Variants in NOL10 observed in about 807,000 individuals in gnomAD.
NOL10 encodes H_NH0074G24.1.
NOL10 carries 58 observed loss-of-function variants against 103.5 expected under a neutral mutation model. That is an observed-to-expected ratio of 0.56 (90% CI 0.45 to 0.70). The LOEUF (loss-of-function observed/expected upper bound fraction) is 0.70. Among genes scored for constraint, NOL10 ranks in the 30% least tolerant of loss-of-function variants. The pLI, the probability that NOL10 is intolerant of heterozygous loss-of-function variation, is 0.00. For synonymous variants in NOL10, 287 were observed against 282.5 expected, an observed-to-expected ratio of 1.02 and a Z score of -0.16; for missense variants, 763 against 807.3, an observed-to-expected ratio of 0.95 and a Z score of 0.67.
In NOL10 at chr2:10,689,093, T is replaced by C. The variant is rs567740532; in HGVS notation, c.66+703A>G. Among the ~76,000 whole-genome samples, 58 of 152,346 alleles carry C rather than the reference T, an allele frequency of 3.8e-4. No individual in the cohort carries two copies. The South Asian group carries it at 0.012, about 31-fold the overall frequency. ...TCAGTGGTAGTGCTTGGACAGAGGCTGGATCATCACGTATAAGAAACAAAA... is the reference window on the plus strand; with the variant it reads ...TCAGTGGTAGTGCTTGGACAGAGGCCGGATCATCACGTATAAGAAACAAAA... On this transcript the variant is annotated intron_variant, in intron 1 of 20. Transcript: ENST00000381685.
intron 17 of NOL10, among the ~76,000 whole-genome samples, chr2:10,590,200 G>T: frequency 6.6e-6 from 1 of 152,114 alleles, no homozygotes; most frequent in Non-Finnish European, 1.5e-5. Context: ...CCAACCTCCT[G>T]GGCTCAAGTG....
intron 12 of NOL10, among the ~76,000 whole-genome samples, chr2:10,645,199 G>C (rs1678969790): frequency 6.6e-6 from 1 of 152,152 alleles, no homozygotes; most frequent in African/African-American, 2.4e-5. Context: ...AGTCGTGAGA[G>C]AATGTTAAAG....
intron 3 of NOL10, among the ~76,000 whole-genome samples, chr2:10,677,560 G>A (rs1434699866): frequency 1.3e-5 from 2 of 148,342 alleles, no homozygotes; most frequent in Admixed American, 6.8e-5. Context: ...AACCTCAACC[G>A]CCCTGGGCTC....
chr2:10,688,229 T>C (rs1198102837), intron 1 of NOL10, among the ~76,000 whole-genome samples: 1 of 152,150 alleles, frequency 6.6e-6, no homozygotes, highest in African/African-American at 2.4e-5. Flanking sequence ...ACTACCTAAT[T>C]CATCCCGACT....
chr2:10,634,687 C>G (rs542106923), intron 13 of NOL10: 4 of 440,816 alleles, frequency 9.1e-6, no homozygotes, highest in Non-Finnish European at 1.8e-5. Context: ...TAAGTCCTAG[C>G]GCTCACTAAC....
At chr2:10,601,149 C>T (rs1446204026) in intron 16 of NOL10, among the ~76,000 whole-genome samples, 7 of 151,900 alleles carry the variant, frequency 4.6e-5, no homozygotes, top group East Asian at 1.9e-4. Context: ...CTGCAACCTC[C>T]GCCTCCCGGG....
At chr2:10,634,712 G>C (rs938798848) in intron 13 of NOL10, among the ~76,000 whole-genome samples, 22 of 152,308 alleles carry the variant, frequency 1.4e-4, no homozygotes, top group African/African-American at 5.3e-4. Context: ...AGAGGTCAGG[G>C]GAGAGAGGCA....
At chr2:10,597,411 G>A (rs1472416024) in intron 17 of NOL10, among the ~76,000 whole-genome samples, 1 of 152,218 alleles carries the variant, frequency 6.6e-6, no homozygotes, top group African/African-American at 2.4e-5. Context: ...ATCACAGCTA[G>A]TAAAGTTCTC....
intron 20 of NOL10, among the ~76,000 whole-genome samples, chr2:10,577,366 C>G (rs1274936309): frequency 6.6e-6 from 1 of 152,190 alleles, no homozygotes; most frequent in Non-Finnish European, 1.5e-5. Context: ...ACCAAGACGG[C>G]TGGTTCATCT....
At chr2:10,661,685 T>C (rs1161383708) in intron 9 of NOL10, among the ~76,000 whole-genome samples, 2 of 152,262 alleles carry the variant, frequency 1.3e-5, no homozygotes, top group African/African-American at 2.4e-5. Context: ...TTAGTTCTTA[T>C]AGATTTTCAG....
At chr2:10,588,672 AC>A (rs1391188373) in intron 19 of NOL10, among the ~76,000 whole-genome samples, 2 of 152,136 alleles carry the variant, frequency 1.3e-5, no homozygotes, top group African/African-American at 4.8e-5. Flanking sequence ...AGGTGAGGGA[AC>A]CCCATGGGGA....
At chr2:10,685,500 C>T (rs958059736) in intron 1 of NOL10, among the ~76,000 whole-genome samples, 1 of 33,848 alleles carries the variant, frequency 3.0e-5, no homozygotes, top group Non-Finnish European at 5.5e-5. Context: ...CCCCCCCCCC[C>T]CCCCCCCGCC....
intron 4 of NOL10, among the ~76,000 whole-genome samples, chr2:10,674,678 A>C (rs1681181199): frequency 6.6e-6 from 1 of 152,092 alleles, no homozygotes; most frequent in South Asian, 2.1e-4. Context: ...CTCTACTAAA[A>C]ATACCAAAAT....
chr2:10,570,912 T>C lies in NOL10; in HGVS notation c.*1159A>G, dbSNP rs990997410. ...GCCTCTACTGCTTGTTTCCCATTAT[T>C]ACAGGTTGGGTATCCCTTATCTGAA... On this transcript the variant is annotated 3_prime_UTR_variant, in exon 21 of 21. Coordinates refer to ENST00000381685, the MANE Select transcript of NOL10 (RefSeq NM_024894.4). 7 of 152,172 alleles carry C rather than the reference T, an allele frequency of 4.6e-5. No homozygotes were observed. Among genetic ancestry groups the C allele is most frequent in the Admixed American group, 6.5e-5 (1 of 15,280 alleles). The allele number at this position is 152,172 out of a possible 1,614,324, so 9.4% of individuals were successfully genotyped here.
intron 13 of NOL10, among the ~76,000 whole-genome samples, chr2:10,627,569 G>C (rs1224410071): frequency 6.6e-6 from 1 of 152,028 alleles, no homozygotes; most frequent in African/African-American, 2.4e-5. Context: ...CAGCTACTCG[G>C]GAGGCTGAGG....
chr2:10,574,423 A>G (rs6750803), intron 20 of NOL10, among the ~76,000 whole-genome samples: 37,504 of 151,962 alleles, frequency 0.25, 6,426 homozygotes, highest in African/African-American at 0.45. Context: ...TGAGATGGGC[A>G]GATCATGAGG....
At chr2:10,613,407 G>C (rs2148204894) in intron 13 of NOL10, among the ~76,000 whole-genome samples, 1 of 152,324 alleles carries the variant, frequency 6.6e-6, no homozygotes, top group East Asian at 1.9e-4. Flanking sequence ...AATGGGATTA[G>C]TGCCAAAACA....
chr2:10,685,750 T>C (rs892210650), intron 1 of NOL10, among the ~76,000 whole-genome samples: 21 of 151,984 alleles, frequency 1.4e-4, no homozygotes, highest in Admixed American at 2.6e-4. Flanking sequence ...TAATTAGGTA[T>C]AGCAGTAGTA....
chr2:10,607,750 T>TTTATTATTAATTATTA (rs1553300467), intron 13 of NOL10, among the ~76,000 whole-genome samples: 1 of 144,726 alleles, frequency 6.9e-6, no homozygotes, highest in African/African-American at 2.5e-5. Flanking sequence ...AAAAACAATA[T>TTTATTATTAATTATTA]TTATTATTAT....
Sources: gnomAD v4.1 joint callset for allele counts (sites outside exome capture counted in the v4.1 genomes callset) on GRCh38, gnomAD v4.1.1 for gene constraint, MANE v1.5 for transcripts, NCBI Gene and HGNC (gene_info 2026-07-23, HGNC 2026-07-21) for gene names.